The following RFX2 variants were observed in gnomAD, a reference collection of about 807,000 sequenced individuals.
The protein encoded by RFX2 is regulatory factor X2.
Under a neutral mutation model 87.8 loss-of-function variants are expected in RFX2, and 20 were observed. The ratio of observed to expected loss-of-function variants is 0.23; its 90% CI spans 0.16 to 0.33. The LOEUF (loss-of-function observed/expected upper bound fraction) is 0.33, where lower values mean the gene tolerates loss of function less well. RFX2 is among the 10% of genes least tolerant of loss of function. The pLI is 1.00. For synonymous variants in RFX2, 397 were observed against 431.3 expected, an observed-to-expected ratio of 0.92 and a Z score of 0.98; for missense variants, 767 against 1,012.3, an observed-to-expected ratio of 0.76 and a Z score of 3.29.
intron 1 of RFX2, among the ~76,000 whole-genome samples, chr19:6,105,054 G>T (rs983904773): frequency 1.3e-5 from 2 of 150,500 alleles, no homozygotes; most frequent in African/African-American, 4.9e-5. Context: ...GGTGTCAGAG[G>T]TTGCAGTGAG....
At chr19:6,099,290 GT>G (rs1341984991) in intron 1 of RFX2, among the ~76,000 whole-genome samples, 1 of 152,098 alleles carries the variant, frequency 6.6e-6, no homozygotes, top group Admixed American at 6.5e-5. Context: ...CAGCAGCTCT[GT>G]TATAAAACCC....
At chr19:6,099,779 G>A (rs2088089678) in intron 1 of RFX2, among the ~76,000 whole-genome samples, 1 of 152,160 alleles carries the variant, frequency 6.6e-6, no homozygotes, top group Admixed American at 6.6e-5. Context: ...GAGGCAATTT[G>A]CCTGCAGTCC....
At chr19:6,029,075 T>TTA (rs2086923998) in intron 5 of RFX2, among the ~76,000 whole-genome samples, 6 of 110,166 alleles carry the variant, frequency 5.4e-5, no homozygotes, top group Non-Finnish European at 1.1e-4. Context: ...TGAGACTGTC[T>TTA]CAAAAAAAAA....
chr19:6,101,502 G>A lies in RFX2; in HGVS notation c.-9+8891C>T, dbSNP rs79564426. 0.014 allele frequency among the ~76,000 whole-genome samples: 2,156 copies of A among 152,218 alleles called. 52 individuals are homozygous for A. Among genetic ancestry groups the A allele is most frequent in the African/African-American group, 0.049 (2,029 of 41,512 alleles). ...GGCCTTTCCCCACAGATCACCTTTT[G>A]GACAGAAATGTATCCTTGGAAACAT... On this transcript the variant is annotated intron_variant, in intron 1 of 17. Transcript: ENST00000303657. The surrounding 1 kb of genome is among the most constrained non-coding windows in gnomAD (Gnocchi z 4.9).
In RFX2 at chr19:6,017,647, T is replaced by C. The variant is rs903645799; in HGVS notation, c.598-1376A>G. Among the ~76,000 whole-genome samples the C allele has an allele frequency of 6.6e-6, 1 of 152,094 alleles. No individual in the cohort carries two copies. The highest frequency in any genetic ancestry group is 1.5e-5 in the Non-Finnish European group (1 of 68,012). On this transcript the variant is annotated intron_variant, in intron 6 of 17. Transcript: ENST00000303657. The surrounding 1 kb of genome is among the most constrained non-coding windows in gnomAD (Gnocchi z 4.1). The stretch of plus-strand genomic sequence containing the variant: ...CCCTTTGTGCGAGGCTGTCAGCTGC[T>C]TTGTCTAGGCTGAGCCCCGCTTCCA...
rs1264971761 is a variant in RFX2, at chr19:6,060,217, T to C, written c.-8-12713A>G. Among the ~76,000 whole-genome samples, 4 of 152,308 alleles carry C rather than the reference T, an allele frequency of 2.6e-5. No homozygotes were observed. In the East Asian group the frequency reaches 7.7e-4, roughly 29 times the overall value. Reference sequence around the variant, plus strand: ...CCCACTATCTCACATCCAGACTGTCTACATCCAGTTCCTTGCATCTTCAAC... The same window carrying C: ...CCCACTATCTCACATCCAGACTGTCCACATCCAGTTCCTTGCATCTTCAAC... On this transcript the variant is annotated intron_variant, in intron 1 of 17. Transcript: ENST00000303657.
chr19:6,013,331 G>T lies in RFX2; in HGVS notation c.780-226C>A, dbSNP rs935445209. 2.0e-5 allele frequency among the ~76,000 whole-genome samples: 3 copies of T among 151,776 alleles called. No homozygotes were observed. The highest frequency in any genetic ancestry group is 2.0e-4 in the Admixed American group (3 of 15,236). On this transcript the variant is annotated intron_variant, in intron 7 of 17. Coordinates refer to ENST00000303657, the MANE Select transcript of RFX2 (RefSeq NM_000635.4). This position sits in a 1 kb window ranked among gnomAD's most constrained non-coding sequence, Gnocchi z 4.1. The stretch of plus-strand genomic sequence containing the variant: ...CTCCCAAGTAGCTGGGATGACAGGC[G>T]TGAGCCATAATGCCTAGCTTATTTT...
chr19:6,007,832 G>A lies in RFX2; in HGVS notation c.1135-30C>T, dbSNP rs2086603889. 11 of 1,413,066 alleles carry A rather than the reference G, an allele frequency of 7.8e-6. No individual in the cohort carries two copies. The highest frequency in any genetic ancestry group is 1.7e-4 in the Middle Eastern group (1 of 5,752). 87.5% of individuals were successfully genotyped at this position (1,413,066 alleles called of 1,614,324 possible). ...GAATGAAGGGACCGGTGAGACAGAC[G>A]GGTGCGTGCGCCCATCACGTGCACT... On this transcript the variant is annotated intron_variant, in intron 10 of 17. Coordinates refer to ENST00000303657, the MANE Select transcript of RFX2 (RefSeq NM_000635.4). This position sits in a 1 kb window ranked among gnomAD's most constrained non-coding sequence, Gnocchi z 8.2.
intron 5 of RFX2, among the ~76,000 whole-genome samples, chr19:6,034,059 C>T (rs1183339214): frequency 6.6e-6 from 1 of 151,896 alleles, no homozygotes; most frequent in East Asian, 1.9e-4. Context: ...TAGGAGTACC[C>T]AAGTGATTTA....
chr19:6,109,825 T>C (rs1037085800), intron 1 of RFX2, among the ~76,000 whole-genome samples: 1 of 151,318 alleles, frequency 6.6e-6, no homozygotes, highest in East Asian at 2.0e-4. Flanking sequence ...GCGCCCCCAA[T>C]TCAGAGAATT....
In RFX2 at chr19:6,010,706, T is replaced by C. The variant is rs2144695930; in HGVS notation, c.900-455A>G. ...ACCGAGTTGTAGCCTGTGTTGGAAT[T>C]TCCTCCTTTTTAAGGCTGAATAATA... On this transcript the variant is annotated intron_variant, in intron 8 of 17. Transcript: ENST00000303657. The surrounding 1 kb of genome is among the most constrained non-coding windows in gnomAD (Gnocchi z 5.0). Among the ~76,000 whole-genome samples, 1 of 152,344 alleles carries C rather than the reference T, an allele frequency of 6.6e-6. No homozygotes were observed. Among genetic ancestry groups the C allele is most frequent in the South Asian group, 2.1e-4 (1 of 4,828 alleles).
chr19:6,097,756 T>G (rs988766369), intron 1 of RFX2, among the ~76,000 whole-genome samples: 2 of 151,980 alleles, frequency 1.3e-5, no homozygotes, highest in African/African-American at 4.8e-5. Context: ...CTAATTAATT[T>G]TTTGTGTGTG....
chr19:6,004,993 C>A lies in RFX2; in HGVS notation c.1403-695G>T, dbSNP rs576757542. Reference sequence around the variant, plus strand: ...AATGATCTGGACGTGGCGGTGGGTGCCTGTAGTCCCAGCTATTTGGGAGGC... The same window carrying A: ...AATGATCTGGACGTGGCGGTGGGTGACTGTAGTCCCAGCTATTTGGGAGGC... On this transcript the variant is annotated intron_variant, in intron 12 of 17. Transcript: ENST00000303657. This position sits in a 1 kb window ranked among gnomAD's most constrained non-coding sequence, Gnocchi z 4.8. Among the ~76,000 whole-genome samples the A allele has an allele frequency of 8.1e-4, 124 of 152,174 alleles. No homozygotes were observed. The highest frequency in any genetic ancestry group is 2.9e-3 in the African/African-American group (120 of 41,524).
At position 6,001,620 on chromosome 19, in the gene RFX2, G is replaced by A. The variant is rs775542389; in HGVS notation, c.1859+195C>T. ...GTATTTAGGCCACGGTGGCCTTCTG[G>A]GCCTGCCCCTGGGAGCCGCTGGTCA... On this transcript the variant is annotated intron_variant, in intron 15 of 17. Transcript: ENST00000303657. The surrounding 1 kb of genome is among the most constrained non-coding windows in gnomAD (Gnocchi z 5.6). Among the ~76,000 whole-genome samples, 7 of 152,268 alleles carry A rather than the reference G, an allele frequency of 4.6e-5. No homozygotes were observed. Among genetic ancestry groups the A allele is most frequent in the Non-Finnish European group, 1.0e-4 (7 of 68,020 alleles).
intron 9 of RFX2, among the ~76,000 whole-genome samples, chr19:6,009,287 A>G (rs1301069036): frequency 6.6e-6 from 1 of 152,202 alleles, no homozygotes; most frequent in Admixed American, 6.5e-5. Context: ...GAGTGTGTAC[A>G]GAGCCCACCT....
intron 1 of RFX2, among the ~76,000 whole-genome samples, chr19:6,053,944 A>C (rs1332931962): frequency 1.4e-5 from 2 of 146,588 alleles, no homozygotes; most frequent in Non-Finnish European, 3.0e-5. Context: ...TGACAGAGCA[A>C]GACTCTATCT....
chr19:6,013,062 C>T lies in RFX2; in HGVS notation c.823G>A (p.Asp275Asn). 2 of 1,601,046 alleles carry T rather than the reference C, an allele frequency of 1.2e-6. No homozygotes were observed. Among genetic ancestry groups the T allele is most frequent in the Non-Finnish European group, 8.5e-7 (1 of 1,174,118 alleles). ...YHYYGIRLKPDSPLNRLQEDT... is the reference protein window; with the variant it reads ...YHYYGIRLKPNSPLNRLQEDT... ...TCCTGCAGCCGGTTCAGTGGTGAGT[C>T]CGGCTTCAGACGAATCCCATAGTAA... is the stretch of plus-strand genomic sequence containing the variant. Residue 275 changes from aspartate to asparagine, a missense_variant, in exon 8 of 18, where the codon GAC (aspartate) becomes AAC (asparagine). This residue lies in a region of RFX2 where 621 missense variants were observed against 873.0 expected (regional missense o/e 0.71). Transcript: ENST00000303657. The surrounding 1 kb of genome is among the most constrained non-coding windows in gnomAD (Gnocchi z 4.1).
intron 1 of RFX2, among the ~76,000 whole-genome samples, chr19:6,054,511 A>T (rs1037643823): frequency 2.6e-5 from 4 of 152,188 alleles, no homozygotes; most frequent in Admixed American, 2.6e-4. Context: ...ATTCAACAAT[A>T]TATAAATAAT....
At chr19:6,041,895 T>C (rs542665011) in intron 4 of RFX2, 149 bp downstream of exon 4, 3 of 712,946 alleles carry the variant, frequency 4.2e-6, no homozygotes, top group Non-Finnish European at 7.6e-6. Context: ...GTAGAGATAT[T>C]GCCCAGTTTC....
Sources: allele counts gnomAD v4.1 joint callset (sites outside exome capture counted in the v4.1 genomes callset), GRCh38; gene constraint gnomAD v4.1.1; regional missense constraint gnomAD v4.1.1; non-coding constraint Gnocchi (gnomAD v3.1); transcripts MANE v1.5; gene names NCBI Gene and HGNC (gene_info 2026-07-23, HGNC 2026-07-21).